COL4A4: variants seen among roughly 807,000 people sequenced by gnomAD.
The protein encoded by COL4A4 is collagen alpha-4(IV) chain.
COL4A4 carries 105 observed loss-of-function variants against 192.9 expected under a neutral mutation model. That is an observed-to-expected ratio of 0.54 (90% CI 0.46 to 0.64). COL4A4 has a LOEUF of 0.64. COL4A4 is among the 30% of genes least tolerant of loss of function. The pLI, the probability that COL4A4 is intolerant of heterozygous loss-of-function variation, is 0.00. For synonymous variants in COL4A4, 762 were observed against 769.9 expected, an observed-to-expected ratio of 0.99 and a Z score of 0.17; for missense variants, 1,967 against 2,169.3, an observed-to-expected ratio of 0.91 and a Z score of 1.85.
Position 227,060,119 on chromosome 2 carries a change from A to AAAAAAAAAC in COL4A4, c.2164+16_2164+17insGTTTTTTTT. On this transcript the variant is annotated intron_variant, in intron 27 of 47. Coordinates refer to ENST00000396625, the MANE Select transcript of COL4A4 (RefSeq NM_000092.5). ...CAAAGCAGAAAAAAAAAAAAAAAAA[A>AAAAAAAAAC]AAAAAACCTCACTGACCAGGTGGAC... 1 of 1,391,168 alleles carries AAAAAAAAAC rather than the reference A, an allele frequency of 7.2e-7. No homozygotes were observed. The highest frequency in any genetic ancestry group is 9.9e-7 in the Non-Finnish European group (1 of 1,010,628). 86.2% of individuals were successfully genotyped at this position (1,391,168 alleles called of 1,614,324 possible).
intron 44 of COL4A4, 111 bp downstream of exon 44, chr2:227,021,937 T>C: frequency 7.9e-7 from 1 of 1,270,056 alleles, no homozygotes. Flanking sequence ...AAAGACATGC[T>C]TTCTCCTCAG....
At chr2:227,094,648 C>T (rs1219635369) in intron 19 of COL4A4, among the ~76,000 whole-genome samples, 2 of 152,100 alleles carry the variant, frequency 1.3e-5, no homozygotes, top group African/African-American at 4.8e-5. Flanking sequence ...TGATAGTTAA[C>T]AATACTATAT....
At chr2:227,058,567 T>G (rs1325573380) in intron 28 of COL4A4, among the ~76,000 whole-genome samples, 1 of 152,194 alleles carries the variant, frequency 6.6e-6, no homozygotes, top group East Asian at 1.9e-4. Flanking sequence ...CCTGTGCTAA[T>G]GTACTCTAGT....
chr2:227,112,411 G>T (rs542303258), intron 8 of COL4A4, among the ~76,000 whole-genome samples: 1 of 152,182 alleles, frequency 6.6e-6, no homozygotes, highest in East Asian at 1.9e-4. Context: ...TGGGATTACA[G>T]GCATGCGCCA....
chr2:227,136,775 C>A (rs1419890188), intron 4 of COL4A4, among the ~76,000 whole-genome samples: 2 of 152,210 alleles, frequency 1.3e-5, no homozygotes, highest in African/African-American at 4.8e-5. Context: ...CTACTACGGG[C>A]ATTAACCTGT....
intron 22 of COL4A4, among the ~76,000 whole-genome samples, chr2:227,082,573 C>T (rs2059381386): frequency 6.6e-6 from 1 of 152,136 alleles, no homozygotes; most frequent in Non-Finnish European, 1.5e-5. Flanking sequence ...AGTCAACTAC[C>T]TCAAATTAAA....
At chr2:226,985,408 C>T in the COL4A4 span, among the ~76,000 whole-genome samples, 1 of 152,218 alleles carries the variant, frequency 6.6e-6, no homozygotes, top group Non-Finnish European at 1.5e-5. Flanking sequence ...GCCTCTGTAG[C>T]GCCCATCTGT....
rs1300950985 is a variant in COL4A4 at position 227,041,774 on chromosome 2, G to A, written c.3505+374C>T. Among the ~76,000 whole-genome samples, 159 of 84,174 alleles carry A rather than the reference G, an allele frequency of 1.9e-3. 6 individuals carry two copies. Among genetic ancestry groups the A allele is most frequent in the African/African-American group, 5.8e-3 (118 of 20,284 alleles). The allele number at this position is 84,174 out of a possible 152,430, so 55.2% of individuals were successfully genotyped here. A position where few individuals can be genotyped will look rare whatever the true frequency, so the allele number is the denominator to read the frequency against. On this transcript the variant is annotated intron_variant, in intron 37 of 47. Transcript: ENST00000396625. ...AGGAAGGAAGGAAGGAAGGAAGGAAGGAAGGAAGGAAGGGAAAGAAAGAAA... is the reference window on the plus strand; with the variant it reads ...AGGAAGGAAGGAAGGAAGGAAGGAAAGAAGGAAGGAAGGGAAAGAAAGAAA...
intron 37 of COL4A4, among the ~76,000 whole-genome samples, chr2:227,036,476 C>T (rs967194122): frequency 5.9e-5 from 9 of 152,258 alleles, no homozygotes; most frequent in Admixed American, 2.6e-4. Flanking sequence ...CCAGGCAAAA[C>T]GGGACAGCTG....
chr2:227,154,618 A>G (rs1428782998), intron 1 of COL4A4, among the ~76,000 whole-genome samples: 1 of 152,224 alleles, frequency 6.6e-6, no homozygotes, highest in Non-Finnish European at 1.5e-5. Flanking sequence ...GCCTTTCGAC[A>G]CTGAGCCATC....
intron 44 of COL4A4, among the ~76,000 whole-genome samples, chr2:227,014,892 CTTTT>C (rs1179125792): frequency 4.9e-4 from 52 of 106,590 alleles, no homozygotes; most frequent in Admixed American, 1.6e-3. Context: ...CCATGCCTGG[CTTTT>C]TTTTTTTTTT....
downstream of COL4A4, among the ~76,000 whole-genome samples, chr2:227,001,809 G>C (rs1339681823): frequency 6.6e-6 from 1 of 152,028 alleles, no homozygotes; most frequent in Non-Finnish European, 1.5e-5. Flanking sequence ...ATGTTTGTTA[G>C]TTGAGTACCC....
chr2:227,069,450 A>G (rs1164727203), intron 25 of COL4A4, among the ~76,000 whole-genome samples: 2 of 152,118 alleles, frequency 1.3e-5, no homozygotes, highest in African/African-American at 2.4e-5. Context: ...GAGGCATCAC[A>G]CTACCTGACT....
At chr2:227,151,286 TATA>T (rs2063926018) in intron 1 of COL4A4, among the ~76,000 whole-genome samples, 1 of 152,184 alleles carries the variant, frequency 6.6e-6, no homozygotes, top group Admixed American at 6.5e-5. Context: ...TGGCTTTCAT[TATA>T]ATTATTAGTA....
intron 1 of COL4A4, among the ~76,000 whole-genome samples, chr2:227,149,731 G>A (rs2063794158): frequency 6.6e-6 from 1 of 152,184 alleles, no homozygotes; most frequent in African/African-American, 2.4e-5. Context: ...CATGTATTGT[G>A]ATAAAGGTTG....
At chr2:227,042,350 A>C in intron 36 of COL4A4, 95 bp from the exon 37 acceptor site, 1 of 738,906 alleles carries the variant, frequency 1.4e-6, no homozygotes, top group Non-Finnish European at 2.4e-6. Flanking sequence ...TGGGTAACGG[A>C]GAACACTGTC....
intron 37 of COL4A4, among the ~76,000 whole-genome samples, chr2:227,033,742 G>A (rs1344074634): frequency 6.6e-6 from 1 of 152,192 alleles, no homozygotes; most frequent in Non-Finnish European, 1.5e-5. Context: ...TGATCCTATC[G>A]TGACCAGATA....
At chr2:227,107,016 C>T (rs917782486) in intron 12 of COL4A4, among the ~76,000 whole-genome samples, 22 of 152,184 alleles carry the variant, frequency 1.4e-4, no homozygotes, top group Admixed American at 9.2e-4. Context: ...TGGACTGGCG[C>T]GGAAAGTCAC....
chr2:227,061,851 C>T (rs3769636), intron 26 of COL4A4, among the ~76,000 whole-genome samples: 15,045 of 152,114 alleles, frequency 0.099, 849 homozygotes, highest in African/African-American at 0.14. Flanking sequence ...TGTTTCTGAT[C>T]AAATGTTGGT....
Sources: gnomAD v4.1 joint callset for allele counts (sites outside exome capture counted in the v4.1 genomes callset) on GRCh38, gnomAD v4.1.1 for gene constraint, MANE v1.5 for transcripts, NCBI Gene and HGNC (gene_info 2026-07-23, HGNC 2026-07-21) for gene names.